DOK6: variants seen among roughly 807,000 people sequenced by gnomAD.
DOK6 encodes the protein downstream of tyrosine kinase 6.
DOK6 carries 22 observed loss-of-function variants against 44.0 expected under a neutral mutation model. That is an observed-to-expected ratio of 0.50 (90% CI 0.36 to 0.71). The LOEUF (loss-of-function observed/expected upper bound fraction) is 0.71, where lower values mean the gene tolerates loss of function less well. Ranked by LOEUF, DOK6 falls within the 30% of genes least tolerant of loss-of-function variation. The probability of loss-of-function intolerance (pLI) is 0.00; values close to 1 mark genes in which losing one functional copy is unlikely to be tolerated. For synonymous variants in DOK6, 166 were observed against 145.5 expected (o/e 1.14, Z -1.01); for missense variants, 340 against 416.4 (o/e 0.82, Z 1.60).
chr18:69,701,673 G>A (rs1307527693), intron 5 of DOK6, among the ~76,000 whole-genome samples: 1 of 152,104 alleles, frequency 6.6e-6, no homozygotes, highest in African/African-American at 2.4e-5. Flanking sequence ...GTAGAAAATT[G>A]GTGCTTAAAA....
intron 1 of DOK6, among the ~76,000 whole-genome samples, chr18:69,476,025 T>C (rs1310507519): frequency 6.6e-6 from 1 of 152,154 alleles, no homozygotes; most frequent in African/African-American, 2.4e-5. Flanking sequence ...TTTTCAGTCC[T>C]TGCCACTCTC....
rs911823640 is a variant in DOK6 at position 69,680,829 on chromosome 18, A to C, written c.409+2976A>C. 5.9e-5 allele frequency among the ~76,000 whole-genome samples: 9 copies of C among 152,342 alleles called. No individual in the cohort carries two copies. In the East Asian group the frequency reaches 1.2e-3, roughly 20 times the overall value. Reference sequence around the variant, plus strand: ...TCCTTGGAGTAGGTAGCTATTTCTTAGACAATATACTCACTTATTTTACTT... The same window carrying C: ...TCCTTGGAGTAGGTAGCTATTTCTTCGACAATATACTCACTTATTTTACTT... On this transcript the variant is annotated intron_variant, in intron 4 of 7. Transcript: ENST00000382713.
rs996944873 is a variant in DOK6 at position 69,848,605 on chromosome 18, C to G, written c.*7222C>G. ...TTAGGAAATTAAATTATTTTTAAATCTGTCTGTGTGATTTTTCCCCTTGGT... is the reference window on the plus strand; with the variant it reads ...TTAGGAAATTAAATTATTTTTAAATGTGTCTGTGTGATTTTTCCCCTTGGT... On this transcript the variant is annotated 3_prime_UTR_variant, in exon 8 of 8. Transcript: ENST00000382713. The G allele has an allele frequency of 1.3e-5, 2 of 152,046 alleles. No homozygotes were observed. Among genetic ancestry groups the G allele is most frequent in the African/African-American group, 4.8e-5 (2 of 41,394 alleles). 9.4% of individuals were successfully genotyped at this position (152,046 alleles called of 1,614,324 possible). A position where few individuals can be genotyped will look rare whatever the true frequency, so the allele number is the denominator to read the frequency against.
intron 1 of DOK6, among the ~76,000 whole-genome samples, chr18:69,510,306 G>C (rs995680563): frequency 3.3e-5 from 5 of 152,102 alleles, no homozygotes; most frequent in Admixed American, 2.0e-4. Context: ...ATTGCTTTTA[G>C]TTAATATTAA....
At chr18:69,780,096 T>C (rs1485652302) in intron 7 of DOK6, among the ~76,000 whole-genome samples, 2 of 152,156 alleles carry the variant, frequency 1.3e-5, no homozygotes, top group African/African-American at 4.8e-5. Flanking sequence ...AATATAATTG[T>C]TTAAAATATT....
intron 5 of DOK6, among the ~76,000 whole-genome samples, chr18:69,737,667 T>C (rs2144736625): frequency 6.6e-6 from 1 of 152,338 alleles, no homozygotes; most frequent in East Asian, 1.9e-4. Flanking sequence ...TTAGATGCCT[T>C]ATTTCATGAT....
At chr18:69,580,586 CAG>C (rs1261479491) in intron 2 of DOK6, among the ~76,000 whole-genome samples, 1 of 152,050 alleles carries the variant, frequency 6.6e-6, no homozygotes, top group African/African-American at 2.4e-5. Flanking sequence ...TTATGGGATA[CAG>C]TGTGATATTT....
intron 1 of DOK6, among the ~76,000 whole-genome samples, chr18:69,524,514 T>C (rs1266594677): frequency 6.6e-6 from 1 of 151,990 alleles, no homozygotes; most frequent in East Asian, 1.9e-4. Flanking sequence ...GACAATAGCA[T>C]GTAGTGACTT....
At chr18:69,445,353 C>A (rs1306133716) in intron 1 of DOK6, among the ~76,000 whole-genome samples, 2 of 152,128 alleles carry the variant, frequency 1.3e-5, no homozygotes, top group Non-Finnish European at 2.9e-5. Context: ...AAGTGTTCAT[C>A]CTTTTCTTGT....
intron 3 of DOK6, among the ~76,000 whole-genome samples, chr18:69,629,926 G>C (rs1260178451): frequency 6.6e-6 from 1 of 152,028 alleles, no homozygotes; most frequent in Non-Finnish European, 1.5e-5. Flanking sequence ...ATGTATCTGG[G>C]ATTACAGGTG....
At chr18:69,606,664 G>T (rs1177131302) in intron 3 of DOK6, among the ~76,000 whole-genome samples, 1 of 151,152 alleles carries the variant, frequency 6.6e-6, no homozygotes, top group Non-Finnish European at 1.5e-5. Context: ...AAAACTGTTA[G>T]GACAAACGAA....
At chr18:69,573,475 C>G (rs1645582830) in intron 2 of DOK6, among the ~76,000 whole-genome samples, 1 of 151,872 alleles carries the variant, frequency 6.6e-6, no homozygotes, top group South Asian at 2.1e-4. Context: ...CCTTTCATAG[C>G]ATTGGAAAGG....
At chr18:69,564,438 T>C in intron 1 of DOK6, 49 bp from the exon 2 acceptor site, 1 of 1,547,594 alleles carries the variant, frequency 6.5e-7, no homozygotes, top group Non-Finnish European at 8.9e-7. Flanking sequence ...CCTAATGTCG[T>C]AAACTCATGT....
intron 7 of DOK6, among the ~76,000 whole-genome samples, chr18:69,806,665 A>G (rs556707673): frequency 2.0e-5 from 3 of 152,108 alleles, no homozygotes; most frequent in African/African-American, 7.2e-5. Context: ...ATCCATCACT[A>G]TAGTTCCATT....
At chr18:69,789,453 G>A (rs894608946) in intron 7 of DOK6, among the ~76,000 whole-genome samples, 1 of 152,004 alleles carries the variant, frequency 6.6e-6, no homozygotes, top group African/African-American at 2.4e-5. Flanking sequence ...GGTCAGGTGT[G>A]TGTATGCGTG....
At chr18:69,563,567 C>T (rs940791733) in intron 1 of DOK6, among the ~76,000 whole-genome samples, 8 of 147,438 alleles carry the variant, frequency 5.4e-5, no homozygotes, top group Admixed American at 6.9e-5. Context: ...AATCAAACAC[C>T]GCATGTTCTC....
intron 3 of DOK6, among the ~76,000 whole-genome samples, chr18:69,666,537 C>T (rs1216557578): frequency 2.6e-5 from 4 of 151,916 alleles, no homozygotes; most frequent in Non-Finnish European, 5.9e-5. Context: ...TTCTCAATTA[C>T]ACAGTGAGTC....
chr18:69,516,856 TTTC>T (rs1434790198), intron 1 of DOK6, among the ~76,000 whole-genome samples: 2 of 150,802 alleles, frequency 1.3e-5, no homozygotes, highest in Non-Finnish European at 1.5e-5. Context: ...TTTTTTTTTT[TTTC>T]TAGTGAAGAC....
chr18:69,798,046 G>A (rs1352749504), intron 7 of DOK6, among the ~76,000 whole-genome samples: 1 of 152,078 alleles, frequency 6.6e-6, no homozygotes. Flanking sequence ...AGGAATATAG[G>A]CAGCAAAAGT....
Sources: allele counts gnomAD v4.1 joint callset (sites outside exome capture counted in the v4.1 genomes callset), GRCh38; gene constraint gnomAD v4.1.1; transcripts MANE v1.5; gene names NCBI Gene and HGNC (gene_info 2026-07-23, HGNC 2026-07-21).